Variants in SLC25A26 observed in about 807,000 individuals in gnomAD.
SLC25A26 encodes mitochondrial S-adenosylmethionine carrier protein.
SLC25A26 carries 36 observed loss-of-function variants against 37.8 expected under a neutral mutation model. The ratio of observed to expected loss-of-function variants is 0.95; its 90% CI spans 0.73 to 1.26. The LOEUF is 1.26. Ranked by LOEUF, SLC25A26 falls within the 50% of genes most tolerant of loss-of-function variation. The pLI is 0.00. For missense variants in SLC25A26, 390 were observed against 331.1 expected, an observed-to-expected ratio of 1.18 and a Z score of -1.38; for synonymous variants, 129 against 122.5, an observed-to-expected ratio of 1.05 and a Z score of -0.35.
chr3:66,271,051 G>A (rs1394406975), intron 5 of SLC25A26, among the ~76,000 whole-genome samples: 2 of 152,128 alleles, frequency 1.3e-5, no homozygotes, highest in Admixed American at 6.6e-5. Flanking sequence ...ATGCTTCACT[G>A]TAAACACATT....
intron 1 of SLC25A26, among the ~76,000 whole-genome samples, chr3:66,193,835 T>A (rs879208633): frequency 0.032 from 4,835 of 152,172 alleles, 256 homozygotes; most frequent in African/African-American, 0.11. Flanking sequence ...AGATAAACAG[T>A]CCTATCATCA....
Position 66,378,510 on chromosome 3 carries a change from A to AGCCATTCTC in SLC25A26, c.*713_*721dup, listed in dbSNP as rs1045249771. ...TTCGTGCAGGAGGGCACGGTGGGTG[A>AGCCATTCTC]GCCATTCTCGCCATTCTCATGTCAG... On this transcript the variant is annotated 3_prime_UTR_variant, in exon 10 of 10. Transcript: ENST00000354883. 5.2e-5 allele frequency: 8 copies of AGCCATTCTC among 152,622 alleles called. No homozygotes were observed. The highest frequency in any genetic ancestry group is 7.3e-5 in the Non-Finnish European group (5 of 68,050). The allele number at this position is 152,622 out of a possible 1,614,324, so 9.5% of individuals were successfully genotyped here.
At position 66,263,365 on chromosome 3, in the gene SLC25A26, A is replaced by C; in HGVS notation, c.439A>C (p.Thr147Pro). Residue 147 changes from threonine to proline, a missense_variant, in exon 5 of 10, where the codon ACA becomes CCA. Transcript: ENST00000354883. ...AGGGTTGTATCGAGGCTATAAAAGCACAGTTTTAAGAGAGGTAAGTCACTT... is the reference window on the plus strand; with the variant it reads ...AGGGTTGTATCGAGGCTATAAAAGCCCAGTTTTAAGAGAGGTAAGTCACTT... ...IQGLYRGYKSTVLREIPFSLV... is the reference protein window; with the variant it reads ...IQGLYRGYKSPVLREIPFSLV... 6.2e-7 allele frequency: 1 copy of C among 1,611,200 alleles called. No homozygotes were observed. The highest frequency in any genetic ancestry group is 8.5e-7 in the Non-Finnish European group (1 of 1,177,958).
chr3:66,296,123 TAAAA>T (rs956857086), intron 5 of SLC25A26, among the ~76,000 whole-genome samples: 1 of 149,344 alleles, frequency 6.7e-6, no homozygotes, highest in Non-Finnish European at 1.5e-5. Context: ...TCTTGGAAAA[TAAAA>T]AAAAAATTTC....
chr3:66,199,106 A>C (rs1576633567), intron 1 of SLC25A26, among the ~76,000 whole-genome samples: 1 of 151,704 alleles, frequency 6.6e-6, no homozygotes, highest in East Asian at 1.9e-4. Context: ...ACCTGATGTC[A>C]CCCTGACACT....
At chr3:66,191,644 C>A (rs901444629) in intron 1 of SLC25A26, among the ~76,000 whole-genome samples, 120 of 152,074 alleles carry the variant, frequency 7.9e-4, no homozygotes, top group Middle Eastern at 3.4e-3. Flanking sequence ...AATCCCAGCA[C>A]TTTGGGAGGG....
chr3:66,202,566 T>C (rs1157452428), intron 1 of SLC25A26, among the ~76,000 whole-genome samples: 1 of 149,798 alleles, frequency 6.7e-6, no homozygotes, highest in Admixed American at 6.7e-5. Flanking sequence ...AAAAAATCTA[T>C]TGGCAAAGTT....
At chr3:66,319,292 G>A (rs182490947) in intron 5 of SLC25A26, among the ~76,000 whole-genome samples, 3 of 152,000 alleles carry the variant, frequency 2.0e-5, no homozygotes, top group South Asian at 2.1e-4. Flanking sequence ...ATTGAAAGTC[G>A]AGGGAGTGCC....
In SLC25A26 at chr3:66,156,538, A is replaced by C. The variant is rs145805692; in HGVS notation, c.-354+22554A>C. Among the ~76,000 whole-genome samples the C allele has an allele frequency of 1.1e-3, 164 of 152,248 alleles. 1 individual carries two copies. Among genetic ancestry groups the C allele is most frequent in the Non-Finnish European group, 1.6e-3 (107 of 68,032 alleles). On this transcript the variant is annotated intron_variant, in intron 1 of 10. Coordinates refer to the SLC25A26 transcript ENST00000676754. ...CAAAAGTACTAAAAACAGTGCCAAG[A>C]TTTGGTTCTTCTGCTTATAAAGAAG... is the stretch of plus-strand genomic sequence containing the variant.
intron 1 of SLC25A26, among the ~76,000 whole-genome samples, chr3:66,222,806 A>G (rs182776087): frequency 2.2e-4 from 34 of 152,318 alleles, no homozygotes; most frequent in African/African-American, 8.2e-4. Flanking sequence ...CAAAGGTTGC[A>G]ATTGCTAAAA....
chr3:66,206,894 CTTTTT>C (rs1192766670), intron 1 of SLC25A26, among the ~76,000 whole-genome samples: 3 of 124,574 alleles, frequency 2.4e-5, no homozygotes, highest in African/African-American at 5.9e-5. Flanking sequence ...TTCTTTCTTT[CTTTTT>C]TTTTTTTTTT....
chr3:66,291,516 T>A (rs1489452295), intron 5 of SLC25A26, among the ~76,000 whole-genome samples: 1 of 152,192 alleles, frequency 6.6e-6, no homozygotes, highest in Non-Finnish European at 1.5e-5. Flanking sequence ...TTTGCTTTCA[T>A]CAGTTTCAAA....
intron 5 of SLC25A26, among the ~76,000 whole-genome samples, chr3:66,340,502 C>T (rs1005820200): frequency 1.3e-5 from 2 of 152,096 alleles, no homozygotes; most frequent in South Asian, 2.1e-4. Context: ...ACGGACCACC[C>T]GTTCTCACAC....
At chr3:66,249,703 T>C (rs1194107334) in intron 3 of SLC25A26, among the ~76,000 whole-genome samples, 1 of 152,208 alleles carries the variant, frequency 6.6e-6, no homozygotes, top group African/African-American at 2.4e-5. Context: ...CTGGAATATT[T>C]TGCCACATCT....
At chr3:66,368,803 A>G (rs1023136646) in intron 7 of SLC25A26, among the ~76,000 whole-genome samples, 6 of 152,072 alleles carry the variant, frequency 3.9e-5, no homozygotes, top group African/African-American at 1.2e-4. Context: ...GGAGTGCTTG[A>G]TGCAAGGAGT....
At chr3:66,323,441 GA>G (rs1320668132) in intron 5 of SLC25A26, among the ~76,000 whole-genome samples, 1 of 152,212 alleles carries the variant, frequency 6.6e-6, no homozygotes, top group African/African-American at 2.4e-5. Context: ...TTGCAATAGA[GA>G]AAGAGTTTAA....
At chr3:66,291,916 G>A (rs1460274597) in intron 5 of SLC25A26, among the ~76,000 whole-genome samples, 1 of 152,044 alleles carries the variant, frequency 6.6e-6, no homozygotes, top group African/African-American at 2.4e-5. Flanking sequence ...GTCTCCCACT[G>A]TTGTTGTGTG....
chr3:66,133,911 A>G (rs1256322486), exon 1 of SLC25A26: 3 of 152,202 alleles, frequency 2.0e-5, no homozygotes, highest in Non-Finnish European at 4.4e-5. Flanking sequence ...CCCTCGTTCT[A>G]TAAGATGGAA....
intron 9 of SLC25A26, among the ~76,000 whole-genome samples, chr3:66,372,766 A>C (rs1258104863): frequency 6.6e-6 from 1 of 152,204 alleles, no homozygotes; most frequent in Non-Finnish European, 1.5e-5. Context: ...GCTGTTGTGA[A>C]CAGAGGTCCC....
Sources: gnomAD v4.1 joint callset for allele counts (sites outside exome capture counted in the v4.1 genomes callset) on GRCh38, gnomAD v4.1.1 for gene constraint, MANE v1.5 for transcripts, NCBI Gene and HGNC (gene_info 2026-07-23, HGNC 2026-07-21) for gene names.